OGN: variants seen among roughly 807,000 people sequenced by gnomAD.
The protein encoded by OGN is mimecan.
A neutral mutation model predicts 30.8 loss-of-function variants in OGN; 19 were observed. That is an observed-to-expected ratio of 0.62 (90% CI 0.43 to 0.90). The LOEUF (loss-of-function observed/expected upper bound fraction) is 0.90, where lower values mean the gene tolerates loss of function less well. Among genes scored for constraint, OGN ranks in the 40% least tolerant of loss-of-function variants. The pLI, the probability that OGN is intolerant of heterozygous loss-of-function variation, is 0.00. For missense variants in OGN, 283 were observed against 349.7 expected (o/e 0.81, Z 1.52); for synonymous variants, 126 against 128.3 (o/e 0.98, Z 0.12).
chr9:92,386,061 TG>T, intron 6 of OGN, 139 bp downstream of exon 6: 1 of 677,094 alleles, frequency 1.5e-6, no homozygotes. Flanking sequence ...TTAATCTTTT[TG>T]ATAGGCAGAC....
In OGN at chr9:92,384,050, TAAA is replaced by T. The variant is rs1277877038; in HGVS notation, c.*1567_*1569del. On this transcript the variant is annotated 3_prime_UTR_variant, in exon 7 of 7. Coordinates refer to ENST00000375561, the MANE Select transcript of OGN (RefSeq NM_014057.5). ...CACTATTGTGCTAGGCAATTGAAAGTAAAAAGTATAAAGCTGCATTTTGCGCTC... is the reference window on the plus strand; with the variant it reads ...CACTATTGTGCTAGGCAATTGAAAGTAAGTATAAAGCTGCATTTTGCGCTC... 6 of 152,198 alleles carry T rather than the reference TAAA, an allele frequency of 3.9e-5. No individual in the cohort carries two copies. Among genetic ancestry groups the T allele is most frequent in the Non-Finnish European group, 8.8e-5 (6 of 68,012 alleles). The allele number at this position is 152,198 out of a possible 1,614,324, so 9.4% of individuals were successfully genotyped here. A position where few individuals can be genotyped will look rare whatever the true frequency, so the allele number is the denominator to read the frequency against.
rs1422507090 is a variant in OGN at position 92,384,884 on chromosome 9, G to T, written c.*736C>A. The T allele has an allele frequency of 1.3e-5, 2 of 152,308 alleles. No homozygotes were observed. Among genetic ancestry groups the T allele is most frequent in the Admixed American group, 6.6e-5 (1 of 15,258 alleles). The allele number at this position is 152,308 out of a possible 1,614,324, so 9.4% of individuals were successfully genotyped here. A position where few individuals can be genotyped will look rare whatever the true frequency, so the allele number is the denominator to read the frequency against. ...TTCATTATTTCTTATAAGCATATTG[G>T]TTTTGGCCTGCTTGAGTTTAAAACT... On this transcript the variant is annotated 3_prime_UTR_variant, in exon 7 of 7. Coordinates refer to ENST00000375561, the MANE Select transcript of OGN (RefSeq NM_014057.5).
intron 3 of OGN, among the ~76,000 whole-genome samples, chr9:92,396,560 A>C (rs2130913661): frequency 1.3e-5 from 1 of 77,838 alleles, no homozygotes; most frequent in Non-Finnish European, 2.4e-5. Context: ...CAGGCCTTAC[A>C]TACCTTTATT....
chr9:92,398,337 G>T (rs1842976101), intron 3 of OGN, among the ~76,000 whole-genome samples: 1 of 151,884 alleles, frequency 6.6e-6, no homozygotes, highest in South Asian at 2.1e-4. Context: ...ATACGTATTT[G>T]GTTTTTTGAC....
chr9:92,401,324 C>T, intron 2 of OGN, 139 bp from the exon 3 acceptor site: 1 of 501,390 alleles, frequency 2.0e-6, no homozygotes, highest in Non-Finnish European at 3.5e-6. Context: ...ATACATATTT[C>T]CATTTTATCA....
intron 6 of OGN, 22 bp downstream of exon 6, chr9:92,386,179 A>G: frequency 6.7e-7 from 1 of 1,500,692 alleles, no homozygotes; most frequent in Non-Finnish European, 9.3e-7. Context: ...AGAGTCAGAT[A>G]TTGTGAAAGG....
At chr9:92,395,069 C>G (rs147957374) in intron 3 of OGN, among the ~76,000 whole-genome samples, 1 of 151,956 alleles carries the variant, frequency 6.6e-6, no homozygotes, top group Non-Finnish European at 1.5e-5. Context: ...CAATTAATTG[C>G]GTGTATTTAA....
At chr9:92,403,129 G>A in intron 2 of OGN, 105 bp downstream of exon 2, 2 of 683,054 alleles carry the variant, frequency 2.9e-6, no homozygotes, top group South Asian at 4.6e-5. Flanking sequence ...CATTTAAAGT[G>A]ATTTTCCCTT....
intron 3 of OGN, 78 bp from the exon 4 acceptor site, chr9:92,393,322 T>C: frequency 9.1e-7 from 1 of 1,100,110 alleles, no homozygotes; most frequent in Non-Finnish European, 1.3e-6. Context: ...ATTATTGCTA[T>C]TATGAATGCT....
chr9:92,402,371 T>G (rs1432162963), intron 2 of OGN, among the ~76,000 whole-genome samples: 1 of 152,248 alleles, frequency 6.6e-6, no homozygotes, highest in Non-Finnish European at 1.5e-5. Context: ...CTGGTCAATC[T>G]TATAAGTCTT....
chr9:92,401,274 T>C (rs1289030964), intron 2 of OGN, 89 bp from the exon 3 acceptor site: 1 of 636,786 alleles, frequency 1.6e-6, no homozygotes, highest in African/African-American at 1.9e-5. Context: ...TTCTCGTAGT[T>C]ACAATTAGTG....
At chr9:92,391,391 A>G (rs1484118582) in intron 4 of OGN, among the ~76,000 whole-genome samples, 1 of 152,218 alleles carries the variant, frequency 6.6e-6, no homozygotes. Context: ...TGGGCAACAG[A>G]GTAAGACTCC....
chr9:92,404,412 C>T (rs868060483), intron 1 of OGN, 84 bp downstream of exon 1: 1 of 855,712 alleles, frequency 1.2e-6, no homozygotes, highest in African/African-American at 1.9e-5. Flanking sequence ...CCAGAGATGG[C>T]CTTTACATTT....
chr9:92,388,841 A>T (rs1471678872), intron 5 of OGN, among the ~76,000 whole-genome samples: 1 of 151,994 alleles, frequency 6.6e-6, no homozygotes, highest in Admixed American at 6.6e-5. Context: ...CAAAAAAAAA[A>T]AAAAAAAAGG....
chr9:92,399,334 A>T (rs1347318133), intron 3 of OGN, among the ~76,000 whole-genome samples: 2 of 152,192 alleles, frequency 1.3e-5, no homozygotes, highest in Non-Finnish European at 2.9e-5. Flanking sequence ...GGGTTAAATC[A>T]TTTAAATCAT....
chr9:92,398,124 C>G (rs1041451499), intron 3 of OGN, among the ~76,000 whole-genome samples: 1 of 152,168 alleles, frequency 6.6e-6, no homozygotes, highest in East Asian at 1.9e-4. Context: ...CATAACAAAC[C>G]TACTCACTGG....
intron 2 of OGN, among the ~76,000 whole-genome samples, 196 bp from the exon 3 acceptor site, chr9:92,401,381 C>A (rs956096320): frequency 6.6e-6 from 1 of 152,164 alleles, no homozygotes; most frequent in African/African-American, 2.4e-5. Flanking sequence ...TTATTCTAGA[C>A]TATGAGCTCC....
At chr9:92,391,678 G>T (rs1227538475) in intron 4 of OGN, among the ~76,000 whole-genome samples, 2 of 152,084 alleles carry the variant, frequency 1.3e-5, no homozygotes, top group Admixed American at 1.3e-4. Flanking sequence ...TGAAAAACAT[G>T]TCGTTAAATA....
At chr9:92,392,438 A>C (rs1290693273) in intron 4 of OGN, among the ~76,000 whole-genome samples, 4 of 152,176 alleles carry the variant, frequency 2.6e-5, no homozygotes, top group Non-Finnish European at 5.9e-5. Flanking sequence ...CCTGGCCAAC[A>C]TGGTGAAACC....
Sources: gnomAD v4.1 joint callset for allele counts (sites outside exome capture counted in the v4.1 genomes callset) on GRCh38, gnomAD v4.1.1 for gene constraint, MANE v1.5 for transcripts, NCBI Gene and HGNC (gene_info 2026-07-23, HGNC 2026-07-21) for gene names.